The following EXOC4 variants were observed in gnomAD, a reference collection of about 807,000 sequenced individuals.
The protein encoded by EXOC4 is SEC8-like 1.
In EXOC4, 71 loss-of-function variants were observed where a neutral mutation model predicts 107.2. That is an observed-to-expected ratio of 0.66 (90% CI 0.55 to 0.81). EXOC4 has a LOEUF of 0.81. Among genes scored for constraint, EXOC4 ranks in the 30% least tolerant of loss-of-function variants. The probability of loss-of-function intolerance (pLI) is 0.00; values close to 1 mark genes in which losing one functional copy is unlikely to be tolerated. For missense variants in EXOC4, 1,108 were observed against 1,189.6 expected, an observed-to-expected ratio of 0.93 and a Z score of 1.01; for synonymous variants, 456 against 441.2, an observed-to-expected ratio of 1.03 and a Z score of -0.42.
chr7:133,744,286 A>G (rs1795629342), intron 10 of EXOC4, among the ~76,000 whole-genome samples: 1 of 152,116 alleles, frequency 6.6e-6, no homozygotes, highest in Non-Finnish European at 1.5e-5. Flanking sequence ...GCAAACTCTT[A>G]ACTCTGCCCC....
intron 7 of EXOC4, among the ~76,000 whole-genome samples, chr7:133,464,134 TA>T (rs1798660351): frequency 6.6e-6 from 1 of 152,204 alleles, no homozygotes; most frequent in Non-Finnish European, 1.5e-5. Context: ...TATGCGTTAT[TA>T]AAAAAATTCT....
intron 17 of EXOC4, among the ~76,000 whole-genome samples, chr7:134,058,385 A>C (rs954893720): frequency 1.7e-4 from 26 of 152,206 alleles, no homozygotes; most frequent in Non-Finnish European, 2.9e-4. Flanking sequence ...TCCCCAAAAA[A>C]GTACTGAATC....
intron 10 of EXOC4, among the ~76,000 whole-genome samples, chr7:133,787,505 G>C (rs1796599865): frequency 6.6e-6 from 1 of 151,894 alleles, no homozygotes; most frequent in South Asian, 2.1e-4. Flanking sequence ...AAAGAGACAG[G>C]CTTACTGTCT....
chr7:133,647,400 ACACTT>A (rs1480451952), intron 10 of EXOC4, among the ~76,000 whole-genome samples: 3 of 152,118 alleles, frequency 2.0e-5, no homozygotes, highest in African/African-American at 7.2e-5. Flanking sequence ...TATGTTATCA[ACACTT>A]TGCATGTAGT....
rs569963765 is a variant in EXOC4 at position 133,550,221 on chromosome 7, G to A, written c.1417+70083G>A. Among the ~76,000 whole-genome samples the A allele has an allele frequency of 3.9e-5, 6 of 152,192 alleles. No homozygotes were observed. The East Asian group carries it at 7.7e-4, about 20-fold the overall frequency. ...AATGAGCCCTCTGAGAGCAGGCACC[G>A]TGTCTCCTTTGTGTACTAATGTGAC... is the stretch of plus-strand genomic sequence containing the variant. On this transcript the variant is annotated intron_variant, in intron 9 of 17. Coordinates refer to ENST00000253861, the MANE Select transcript of EXOC4 (RefSeq NM_021807.4).
At chr7:134,027,518 TGTG>T (rs1475306023) in intron 17 of EXOC4, among the ~76,000 whole-genome samples, 1 of 151,142 alleles carries the variant, frequency 6.6e-6, no homozygotes, top group African/African-American at 2.4e-5. Flanking sequence ...ATTAGCTAGG[TGTG>T]GTGGTGCATG....
At chr7:133,736,516 A>G (rs766229415) in intron 10 of EXOC4, among the ~76,000 whole-genome samples, 16 of 152,222 alleles carry the variant, frequency 1.1e-4, no homozygotes, top group Non-Finnish European at 1.9e-4. Context: ...ACTCATCAGT[A>G]TAATACCTCC....
intron 9 of EXOC4, among the ~76,000 whole-genome samples, chr7:133,591,569 CGTGTGTGTGTGTGTGT>C (rs918271151): frequency 6.8e-4 from 10 of 14,636 alleles, no homozygotes; most frequent in Admixed American, 1.1e-3. Flanking sequence ...TGTGTGTGTG[CGTGTGTGTGTGTGTGT>C]GTGTGTGTGT....
At chr7:133,532,842 T>G (rs1800205473) in intron 9 of EXOC4, among the ~76,000 whole-genome samples, 1 of 152,118 alleles carries the variant, frequency 6.6e-6, no homozygotes, top group Non-Finnish European at 1.5e-5. Flanking sequence ...TTTAAACAAT[T>G]ACGTGTGAGA....
rs952061998 is a variant in EXOC4, at chr7:133,336,628, T to G, written c.763+19238T>G. On this transcript the variant is annotated intron_variant, in intron 5 of 17. Coordinates refer to ENST00000253861, the MANE Select transcript of EXOC4 (RefSeq NM_021807.4). The stretch of plus-strand genomic sequence containing the variant: ...TTTCTGGTATGTTTAAGGTTTATTT[T>G]TAGTTATTTTGGTGAATTATGTATT... Among the ~76,000 whole-genome samples, 4 of 152,084 alleles carry G rather than the reference T, an allele frequency of 2.6e-5. No homozygotes were observed. The East Asian group carries it at 7.7e-4, about 29-fold the overall frequency.
intron 10 of EXOC4, among the ~76,000 whole-genome samples, chr7:133,631,323 T>C (rs988655121): frequency 6.6e-6 from 1 of 152,136 alleles, no homozygotes; most frequent in African/African-American, 2.4e-5. Context: ...TATAATATTA[T>C]GTATATTTTC....
intron 11 of EXOC4, among the ~76,000 whole-genome samples, chr7:133,881,684 T>A (rs1798969757): frequency 6.6e-6 from 1 of 152,162 alleles, no homozygotes; most frequent in East Asian, 1.9e-4. Context: ...GAGAAGGTAC[T>A]TACTTATTTA....
intron 11 of EXOC4, among the ~76,000 whole-genome samples, chr7:133,894,846 GACATT>G (rs1384312740): frequency 2.4e-5 from 2 of 84,902 alleles, no homozygotes; most frequent in Admixed American, 1.8e-4. Context: ...GTCAGACAGG[GACATT>G]TAAGTCTGCA....
chr7:133,709,803 A>G (rs547820176), intron 10 of EXOC4, among the ~76,000 whole-genome samples: 2 of 152,218 alleles, frequency 1.3e-5, no homozygotes, highest in Non-Finnish European at 2.9e-5. Context: ...CTCCTCTATA[A>G]AATGGGGATA....
intron 9 of EXOC4, among the ~76,000 whole-genome samples, chr7:133,627,858 G>T (rs1022391239): frequency 6.6e-6 from 1 of 152,102 alleles, no homozygotes; most frequent in East Asian, 1.9e-4. Context: ...TTAAGAAAAC[G>T]TATGCTCTGA....
At chr7:133,433,020 A>G (rs79692869) in intron 7 of EXOC4, among the ~76,000 whole-genome samples, 174 of 152,302 alleles carry the variant, frequency 1.1e-3, no homozygotes, top group African/African-American at 4.1e-3. Context: ...TATAATACCA[A>G]TTTTACAGTT....
At chr7:134,091,589 A>C in the EXOC4 span, among the ~76,000 whole-genome samples, 2 of 152,206 alleles carry the variant, frequency 1.3e-5, no homozygotes, top group African/African-American at 2.4e-5. Flanking sequence ...CATTTTACGC[A>C]GCCCTTATTC....
intron 9 of EXOC4, among the ~76,000 whole-genome samples, chr7:133,625,132 G>A (rs1004607077): frequency 2.6e-5 from 4 of 152,102 alleles, no homozygotes; most frequent in Non-Finnish European, 4.4e-5. Flanking sequence ...GACTAGTATT[G>A]TGTTGCCTAA....
chr7:133,479,443 A>T (rs779106288), intron 8 of EXOC4: 15 of 152,256 alleles, frequency 9.9e-5, no homozygotes, highest in Non-Finnish European at 2.1e-4. Context: ...TATTTTTGAG[A>T]GTATTTTATA....
Sources: allele counts gnomAD v4.1 joint callset (sites outside exome capture counted in the v4.1 genomes callset), GRCh38; gene constraint gnomAD v4.1.1; transcripts MANE v1.5; gene names NCBI Gene and HGNC (gene_info 2026-07-23, HGNC 2026-07-21).